Variants in CC2D2B observed in about 807,000 individuals in gnomAD.
CC2D2B encodes the protein protein CC2D2B.
A neutral mutation model predicts 161.2 loss-of-function variants in CC2D2B; 128 were observed. That is an observed-to-expected ratio of 0.79 (90% CI 0.69 to 0.92). The LOEUF is 0.92. Ranked by LOEUF, CC2D2B falls within the 40% of genes least tolerant of loss-of-function variation. The probability of loss-of-function intolerance (pLI) is 0.00; values close to 1 mark genes in which losing one functional copy is unlikely to be tolerated. For missense variants in CC2D2B, 1,173 were observed against 1,375.1 expected, an observed-to-expected ratio of 0.85 and a Z score of 2.32; for synonymous variants, 391 against 449.8, an observed-to-expected ratio of 0.87 and a Z score of 1.65.
intron 22 of CC2D2B, among the ~76,000 whole-genome samples, chr10:95,993,942 GTATGTATGTGTATATATA>G (rs1245758410): frequency 2.3e-3 from 58 of 25,374 alleles, no homozygotes; most frequent in African/African-American, 6.0e-3. Context: ...GTGTGTGTGT[GTATGTATGTGTATATATA>G]TATATATATA....
At position 96,019,351 on chromosome 10, in the gene CC2D2B, G is replaced by A. The variant is rs1441485728; in HGVS notation, c.3765+14G>A. The A allele has an allele frequency of 1.6e-5, 25 of 1,593,414 alleles. No homozygotes were observed. The highest frequency in any genetic ancestry group is 2.1e-5 in the Non-Finnish European group (25 of 1,173,480). ...GATGATAGAAATGTAAGTATATGGG[G>A]AAAAAAAATCTTGAGTTATCTCCTC... On this transcript the variant is annotated intron_variant, in intron 31 of 34. Coordinates refer to ENST00000646931, the MANE Select transcript of CC2D2B (RefSeq NM_001349008.3).
chr10:95,990,212 G>A (rs763151172), intron 20 of CC2D2B, among the ~76,000 whole-genome samples: 1 of 152,094 alleles, frequency 6.6e-6, no homozygotes, highest in Non-Finnish European at 1.5e-5. Flanking sequence ...GTTACAGAGT[G>A]AAAGGTGCTA....
intron 19 of CC2D2B, among the ~76,000 whole-genome samples, chr10:95,986,148 C>T (rs2077710648): frequency 6.6e-6 from 1 of 151,458 alleles, no homozygotes; most frequent in Non-Finnish European, 1.5e-5. Flanking sequence ...CCTATTCGTA[C>T]ACTCCCTACC....
At chr10:95,997,858 G>T (rs549520508) in intron 24 of CC2D2B, among the ~76,000 whole-genome samples, 1 of 152,316 alleles carries the variant, frequency 6.6e-6, no homozygotes, top group African/African-American at 2.4e-5. Context: ...AAGTGGAATT[G>T]CTAGGTTGTA....
intron 3 of CC2D2B, 21 bp downstream of exon 3, chr10:95,922,097 A>C: frequency 3.9e-6 from 5 of 1,275,090 alleles, no homozygotes; most frequent in Non-Finnish European, 5.5e-6. Context: ...AGTATACCAT[A>C]ACTCTGATAC....
At chr10:96,027,933 T>C (rs1449540302) in intron 34 of CC2D2B, among the ~76,000 whole-genome samples, 4 of 152,196 alleles carry the variant, frequency 2.6e-5, no homozygotes, top group Non-Finnish European at 4.4e-5. Context: ...TGGATATTCA[T>C]ATGCAGAAGA....
intron 11 of CC2D2B, among the ~76,000 whole-genome samples, chr10:95,956,418 A>G (rs1192150673): frequency 6.6e-6 from 1 of 152,196 alleles, no homozygotes; most frequent in African/African-American, 2.4e-5. Flanking sequence ...AAAATAAAAG[A>G]CAAGCTTGAA....
In CC2D2B at chr10:95,992,586, G is replaced by C. The variant is rs1013133336; in HGVS notation, c.2531G>C (p.Arg844Thr). The C allele has an allele frequency of 4.1e-6, 5 of 1,234,070 alleles. No homozygotes were observed. The African/African-American group carries it at 6.2e-5, about 15-fold the overall frequency. 76.4% of individuals were successfully genotyped at this position (1,234,070 alleles called of 1,614,324 possible). ...VEPRRKLKPQ[R>T]KERKKVTAQA... ...CCACGGAGAAAGTTAAAACCTCAGA[G>C]GAAAGAAAGGAAAAAAGTCACAGCG... Residue 844 changes from arginine to threonine, a missense_variant, in exon 22 of 35, where the codon AGG (arginine) becomes ACG (threonine). Coordinates refer to ENST00000646931, the MANE Select transcript of CC2D2B (RefSeq NM_001349008.3).
intron 24 of CC2D2B, among the ~76,000 whole-genome samples, chr10:95,996,773 G>C (rs554305748): frequency 2.0e-5 from 3 of 152,076 alleles, no homozygotes; most frequent in Admixed American, 6.5e-5. Context: ...GTTCATGCTT[G>C]TAGCTGTTTG....
chr10:96,025,164 T>TATATATAAA (rs2079653846), intron 33 of CC2D2B, among the ~76,000 whole-genome samples: 2 of 7,564 alleles, frequency 2.6e-4, no homozygotes, highest in African/African-American at 1.3e-3. Flanking sequence ...AATATATATA[T>TATATATAAA]ATATATATAT....
intron 3 of CC2D2B, 131 bp from the exon 4 acceptor site, chr10:95,924,183 C>G: frequency 2.1e-6 from 1 of 486,190 alleles, no homozygotes; most frequent in Non-Finnish European, 3.7e-6. Context: ...AAGATAATAA[C>G]CTAGTTTTCA....
chr10:96,001,561 A>C (rs2078497171), intron 24 of CC2D2B, among the ~76,000 whole-genome samples: 1 of 152,204 alleles, frequency 6.6e-6, no homozygotes, highest in Non-Finnish European at 1.5e-5. Context: ...CTATATAAAC[A>C]TTCACATCCC....
chr10:95,987,579 T>G (rs1424204242), intron 19 of CC2D2B, among the ~76,000 whole-genome samples: 1 of 152,178 alleles, frequency 6.6e-6, no homozygotes, highest in Non-Finnish European at 1.5e-5. Context: ...TATATAATAC[T>G]GAAAATGCAT....
At chr10:95,945,169 T>C (rs181704425) in intron 9 of CC2D2B, among the ~76,000 whole-genome samples, 2 of 152,334 alleles carry the variant, frequency 1.3e-5, no homozygotes, top group East Asian at 3.9e-4. Context: ...CTTTTCTTTA[T>C]AATTTACCTA....
Position 95,914,330 on chromosome 10 carries a change from C to CGT in CC2D2B, c.36+2982_36+2983dup, listed in dbSNP as rs149718184. Among the ~76,000 whole-genome samples the CGT allele has an allele frequency of 2.6e-5, 4 of 151,584 alleles. No individual in the cohort carries two copies. In the East Asian group the frequency reaches 5.8e-4, roughly 22 times the overall value. ...TTCCATTGATGTGTATGTGTGTGCG[C>CGT]GTGTGTGTGTGTATTTTAATGCCAG... is the stretch of plus-strand genomic sequence containing the variant. On this transcript the variant is annotated intron_variant, in intron 2 of 34. Transcript: ENST00000646931.
chr10:95,959,888 T>C (rs959455202), intron 11 of CC2D2B, among the ~76,000 whole-genome samples: 1 of 152,188 alleles, frequency 6.6e-6, no homozygotes, highest in African/African-American at 2.4e-5. Context: ...TTAGGCAAAG[T>C]ACCTCTAAAT....
At chr10:96,031,733 T>C (rs531730461) in intron 34 of CC2D2B, 87 bp from the exon 35 acceptor site, 1 of 1,184,006 alleles carries the variant, frequency 8.4e-7, no homozygotes, top group African/African-American at 1.5e-5. Flanking sequence ...ACTATTTCTT[T>C]GAGGCTTTTG....
At chr10:95,945,326 T>C (rs1168607591) in intron 9 of CC2D2B, among the ~76,000 whole-genome samples, 1 of 152,152 alleles carries the variant, frequency 6.6e-6, no homozygotes, top group African/African-American at 2.4e-5. Flanking sequence ...CCAGCCAGCC[T>C]TGAAGGAAAA....
chr10:96,026,506 G>A (rs537581627), intron 33 of CC2D2B, among the ~76,000 whole-genome samples: 2 of 152,214 alleles, frequency 1.3e-5, no homozygotes, highest in African/African-American at 4.8e-5. Flanking sequence ...GACCAGATGC[G>A]TGGATTTTCA....
Sources: allele counts gnomAD v4.1 joint callset (sites outside exome capture counted in the v4.1 genomes callset), GRCh38; gene constraint gnomAD v4.1.1; transcripts MANE v1.5; gene names NCBI Gene and HGNC (gene_info 2026-07-23, HGNC 2026-07-21).